MMP2: variants seen among roughly 807,000 people sequenced by gnomAD.
MMP2 encodes 72 kDa type IV collagenase.
MMP2 carries 39 observed loss-of-function variants against 74.8 expected under a neutral mutation model. The observed-to-expected ratio is 0.52, with a 90% CI of 0.40 to 0.68. The LOEUF is 0.68. Ranked by LOEUF, MMP2 falls within the 30% of genes least tolerant of loss-of-function variation. The pLI, the probability that MMP2 is intolerant of heterozygous loss-of-function variation, is 0.00. For synonymous variants in MMP2, 367 were observed against 339.8 expected, an observed-to-expected ratio of 1.08 and a Z score of -0.88; for missense variants, 803 against 878.3, an observed-to-expected ratio of 0.91 and a Z score of 1.08.
Position 55,479,586 on chromosome 16 carries a change from A to T in MMP2, c.107A>T (p.Lys36Met). The change falls in exon 1 of 13, where the codon AAG becomes ATG. Residue 36 changes from lysine to methionine, a missense_variant. Around this residue, in one of 3 missense-constraint regions of MMP2, gnomAD observed 223 missense variants for 232.8 expected, o/e 0.96. Transcript: ENST00000219070. ...HAAAAPSPII[K>M]FPGDVAPKTD... ...GCCGCCGCGCCGTCGCCCATCATCA[A>T]GTTCCCCGGCGATGTCGCCCCCAAA... 6.2e-7 allele frequency: 1 copy of T among 1,613,672 alleles called. No homozygotes were observed. The highest frequency in any genetic ancestry group is 8.5e-7 in the Non-Finnish European group (1 of 1,179,986).
intron 9 of MMP2, among the ~76,000 whole-genome samples, chr16:55,495,972 CTG>C (rs1962520125): frequency 6.6e-6 from 1 of 152,212 alleles, no homozygotes; most frequent in African/African-American, 2.4e-5. Context: ...AAATACAAGT[CTG>C]TGTGTTCCGT....
At chr16:55,498,187 G>C in intron 10 of MMP2, 102 bp from the exon 11 acceptor site, 1 of 1,463,300 alleles carries the variant, frequency 6.8e-7, no homozygotes, top group Non-Finnish European at 9.5e-7. Context: ...CACTCTGTTG[G>C]GAATGGCTGC....
intron 5 of MMP2, among the ~76,000 whole-genome samples, chr16:55,486,346 C>CGTGTGTGTGT (rs1555491716): frequency 2.1e-4 from 9 of 43,726 alleles, no homozygotes; most frequent in African/African-American, 4.6e-4. Context: ...TGTGTGTGTG[C>CGTGTGTGTGT]CTGTGTGTGT....
chr16:55,479,923 G>C, intron 1 of MMP2: 1 of 369,974 alleles, frequency 2.7e-6, no homozygotes, highest in Non-Finnish European at 5.0e-6. Context: ...CAAACTACTG[G>C]AAAGGGACTC....
rs201083413 is a variant in MMP2 at position 55,491,907 on chromosome 16, G to C, written c.1287G>C (p.Lys429Asn). The change falls in exon 8 of 13, where the codon AAG becomes AAC. Residue 429 changes from lysine to asparagine, a missense_variant. Coordinates refer to ENST00000219070, the MANE Select transcript of MMP2 (RefSeq NM_004530.6). ...TGGCACCCATTTACACCTACACCAAGAACTTCCGTCTGTCCCAGGATGACA... is the reference window on the plus strand; with the variant it reads ...TGGCACCCATTTACACCTACACCAACAACTTCCGTCTGTCCCAGGATGACA... Reference protein sequence around the residue: ...ALMAPIYTYTKNFRLSQDDIK... With the variant: ...ALMAPIYTYTNNFRLSQDDIK... 1 of 1,590,892 alleles carries C rather than the reference G, an allele frequency of 6.3e-7. No individual in the cohort carries two copies. Among genetic ancestry groups the C allele is most frequent in the South Asian group, 1.1e-5 (1 of 90,746 alleles).
intron 1 of MMP2, chr16:55,480,562 T>C (rs907288235): frequency 2.6e-5 from 4 of 152,320 alleles, no homozygotes; most frequent in African/African-American, 9.7e-5. Context: ...TGCGCGCGCC[T>C]GGCTGGAGGG....
chr16:55,493,277 T>A lies in MMP2; in HGVS notation c.1456T>A (p.Phe486Ile), dbSNP rs747087321. ...DGIAQIRGEI[F>I]FFKDRFIWRT... ...CATCGCTCAGATCCGTGGTGAGATC[T>A]TCTTCTTCAAGGACCGGTGAGTGCA... Residue 486 changes from phenylalanine to isoleucine, a missense_variant, in exon 9 of 13, where the codon TTC (phenylalanine) becomes ATC (isoleucine). Phe to Ile is a conservative substitution (Grantham distance 21, BLOSUM62 0). Coordinates refer to ENST00000219070, the MANE Select transcript of MMP2 (RefSeq NM_004530.6). 2.5e-6 allele frequency: 4 copies of A among 1,614,182 alleles called. No homozygotes were observed. Among genetic ancestry groups the A allele is most frequent in the Admixed American group, 3.3e-5 (2 of 60,022 alleles).
intron 9 of MMP2, 68 bp from the exon 10 acceptor site, chr16:55,496,858 G>T: frequency 1.2e-6 from 2 of 1,600,956 alleles, no homozygotes; most frequent in Non-Finnish European, 1.7e-6. Flanking sequence ...TGGGTTTGGG[G>T]GTGTGTGTGG....
chr16:55,494,990 A>T (rs1251504503), intron 9 of MMP2, among the ~76,000 whole-genome samples: 3 of 152,238 alleles, frequency 2.0e-5, no homozygotes, highest in Admixed American at 2.0e-4. Flanking sequence ...AGGCTAGAAG[A>T]TGTTCCATAA....
chr16:55,479,170 C>T (rs1962030770), upstream of MMP2: 2 of 209,462 alleles, frequency 9.5e-6, no homozygotes, highest in East Asian at 1.1e-4. Flanking sequence ...CAGCCGGCTA[C>T]ATCTGGCGGC....
At chr16:55,485,177 C>A (rs1416610712) in intron 3 of MMP2, 122 bp from the exon 4 acceptor site, 5 of 1,423,422 alleles carry the variant, frequency 3.5e-6, no homozygotes, top group Non-Finnish European at 5.0e-6. Context: ...GATAACCCCA[C>A]TGGGACAAGG....
chr16:55,488,661 C>T lies in MMP2; in HGVS notation c.951C>T (p.Cys317=), dbSNP rs763281808. The part of the protein sequence containing the change: ...TEGRTDGYRW[C]GTTEDYDRDK... Reference sequence around the variant, plus strand: ...GCCGCACGGATGGCTACCGCTGGTGCGGCACCACTGAGGACTACGACCGCG... The same window carrying T: ...GCCGCACGGATGGCTACCGCTGGTGTGGCACCACTGAGGACTACGACCGCG... Residue 317 remains cysteine (C), a synonymous_variant, in exon 6 of 13, where the codon TGC becomes TGT. Coordinates refer to ENST00000219070, the MANE Select transcript of MMP2 (RefSeq NM_004530.6). The T allele has an allele frequency of 4.3e-6, 7 of 1,613,030 alleles. No homozygotes were observed. Among genetic ancestry groups the T allele is most frequent in the East Asian group, 4.5e-5 (2 of 44,816 alleles).
rs1180921730 is a variant in MMP2, at chr16:55,486,003, G to A, written c.832+226G>A. On this transcript the variant is annotated intron_variant, in intron 5 of 12. Coordinates refer to ENST00000219070, the MANE Select transcript of MMP2 (RefSeq NM_004530.6). ...CGTAGTACTCTAATTAAATCAAGTT[G>A]ATTTTTTTTAAGTTTCACCATTAGC... Among the ~76,000 whole-genome samples the A allele has an allele frequency of 2.0e-5, 3 of 152,072 alleles. No individual in the cohort carries two copies. The East Asian group carries it at 5.8e-4, about 29-fold the overall frequency.
At chr16:55,496,597 ACAGACACTACTGTTC>A (rs1283188460) in intron 9 of MMP2, among the ~76,000 whole-genome samples, 3 of 152,196 alleles carry the variant, frequency 2.0e-5, no homozygotes, top group Non-Finnish European at 2.9e-5. Flanking sequence ...GTTAAGACAA[ACAGACACTACTGTTC>A]CAGGCACTCA....
rs17860012 is a variant in MMP2, at chr16:55,503,250, C to T, written c.1879+362C>T. ...TTTGCAGGAGGCCTGTGACCACCTC[C>T]CATTAGCAGAAGGATGGCTCCATTT... On this transcript the variant is annotated intron_variant, in intron 12 of 12. Coordinates refer to ENST00000219070, the MANE Select transcript of MMP2 (RefSeq NM_004530.6). Among the ~76,000 whole-genome samples the T allele has an allele frequency of 4.9e-3, 752 of 152,310 alleles. 2 individuals carry two copies. Among genetic ancestry groups the T allele is most frequent in the African/African-American group, 0.017 (709 of 41,582 alleles).
intron 10 of MMP2, among the ~76,000 whole-genome samples, chr16:55,497,421 C>T (rs565629272): frequency 7.9e-5 from 12 of 152,196 alleles, no homozygotes; most frequent in Non-Finnish European, 1.5e-4. Context: ...AGTTTTAGTT[C>T]GAATGTTTTA....
At chr16:55,484,517 C>T (rs1423877837) in intron 3 of MMP2, among the ~76,000 whole-genome samples, 2 of 152,182 alleles carry the variant, frequency 1.3e-5, no homozygotes, top group African/African-American at 2.4e-5. Context: ...ACACTGGGCA[C>T]ATTTTAAGTG....
chr16:55,492,197 A>G (rs73547593), intron 8 of MMP2, among the ~76,000 whole-genome samples: 3 of 152,266 alleles, frequency 2.0e-5, no homozygotes, highest in African/African-American at 7.2e-5. Flanking sequence ...TTAGCGCTCC[A>G]TTTCTGGGTT....
intron 9 of MMP2, among the ~76,000 whole-genome samples, chr16:55,494,397 A>T (rs1259322849): frequency 6.6e-6 from 1 of 152,252 alleles, no homozygotes; most frequent in African/African-American, 2.4e-5. Flanking sequence ...GACACAGAGT[A>T]AGTGTATTCA....
Sources: gnomAD v4.1 joint callset for allele counts (sites outside exome capture counted in the v4.1 genomes callset) on GRCh38, gnomAD v4.1.1 for gene constraint, gnomAD v4.1.1 regional missense constraint, MANE v1.5 for transcripts, NCBI Gene and HGNC (gene_info 2026-07-23, HGNC 2026-07-21) for gene names.